The following GRIK4 variants were observed in gnomAD, a reference collection of about 807,000 sequenced individuals.
GRIK4 encodes the protein glutamate receptor ionotropic, kainate 4.
In GRIK4, 40 loss-of-function variants were observed where a neutral mutation model predicts 104.9. The ratio of observed to expected loss-of-function variants is 0.38; its 90% CI spans 0.30 to 0.50. The LOEUF (loss-of-function observed/expected upper bound fraction) is 0.50, where lower values mean the gene tolerates loss of function less well. Among genes scored for constraint, GRIK4 ranks in the 20% least tolerant of loss-of-function variants. GRIK4 has a pLI of 0.93. For missense variants in GRIK4, 1,047 were observed against 1,308.1 expected, an observed-to-expected ratio of 0.80 and a Z score of 3.08; for synonymous variants, 485 against 524.9, an observed-to-expected ratio of 0.92 and a Z score of 1.04.
At chr11:120,936,717 C>T (rs1353649462) in intron 13 of GRIK4, 2 of 153,074 alleles carry the variant, frequency 1.3e-5, no homozygotes, top group African/African-American at 4.8e-5. Context: ...TTCTCACTTG[C>T]CCTGGTGCTG....
At chr11:120,797,149 C>G (rs1952534718) in intron 3 of GRIK4, among the ~76,000 whole-genome samples, 1 of 152,096 alleles carries the variant, frequency 6.6e-6, no homozygotes, top group Admixed American at 6.5e-5. Flanking sequence ...CACTGAGGCC[C>G]CATGGATGGA....
At position 120,591,541 on chromosome 11, in the gene GRIK4, C is replaced by T. The variant is rs577216286; in HGVS notation, c.-158-62144C>T. 9.8e-5 allele frequency among the ~76,000 whole-genome samples: 15 copies of T among 152,300 alleles called. No homozygotes were observed. The East Asian group carries it at 2.9e-3, about 29-fold the overall frequency. ...TGTAAAAGCGTGTTGTAAGGGTTAA[C>T]TGTAGCATACACTCAGTGTGCACCC... On this transcript the variant is annotated intron_variant, in intron 1 of 20. Transcript: ENST00000527524.
intron 2 of GRIK4, among the ~76,000 whole-genome samples, chr11:120,655,633 G>C (rs900975470): frequency 6.6e-6 from 1 of 152,226 alleles, no homozygotes; most frequent in Admixed American, 6.5e-5. Flanking sequence ...CAGAGATCCA[G>C]GTTGTTGCTG....
intron 1 of GRIK4, among the ~76,000 whole-genome samples, chr11:120,512,115 CT>C (rs907597050): frequency 4.6e-4 from 68 of 149,234 alleles, no homozygotes; most frequent in African/African-American, 1.5e-3. Flanking sequence ...GTCCCTGCGT[CT>C]CCAGATTCGC....
intron 18 of GRIK4, among the ~76,000 whole-genome samples, chr11:120,965,120 C>A (rs532068995): frequency 1.3e-5 from 2 of 152,278 alleles, no homozygotes; most frequent in South Asian, 4.1e-4. Flanking sequence ...AAGAGCCTAA[C>A]TATGGAATAA....
At chr11:120,899,598 C>A (rs557037586) in intron 12 of GRIK4, among the ~76,000 whole-genome samples, 1 of 152,244 alleles carries the variant, frequency 6.6e-6, no homozygotes, top group East Asian at 1.9e-4. Context: ...GTTCTCTATC[C>A]TGAGGTTGTA....
At chr11:120,570,448 G>T (rs760229132) in intron 1 of GRIK4, among the ~76,000 whole-genome samples, 1 of 152,026 alleles carries the variant, frequency 6.6e-6, no homozygotes, top group African/African-American at 2.4e-5. Context: ...TACATTATCA[G>T]TTGACTTTCT....
At chr11:120,640,740 G>A (rs1041577542) in intron 1 of GRIK4, among the ~76,000 whole-genome samples, 15 of 149,490 alleles carry the variant, frequency 1.0e-4, no homozygotes, top group Admixed American at 6.0e-4. Context: ...ACACAGTCTC[G>A]CTCTGTCATT....
chr11:120,622,001 A>G (rs936411569), intron 1 of GRIK4, among the ~76,000 whole-genome samples: 1 of 152,056 alleles, frequency 6.6e-6, no homozygotes, highest in East Asian at 1.9e-4. Context: ...CCTGGGTTCA[A>G]GCGATTCTCC....
At chr11:120,537,351 C>T (rs1430585265) in intron 1 of GRIK4, among the ~76,000 whole-genome samples, 7 of 152,126 alleles carry the variant, frequency 4.6e-5, no homozygotes, top group Non-Finnish European at 8.8e-5. Context: ...AACTCAGAGA[C>T]GGAGATATTG....
At chr11:120,813,386 C>T (rs1196718499) in intron 4 of GRIK4, among the ~76,000 whole-genome samples, 1 of 152,104 alleles carries the variant, frequency 6.6e-6, no homozygotes, top group Non-Finnish European at 1.5e-5. Context: ...CTTCAAGCAC[C>T]TAGTGGGCTG....
At chr11:120,912,886 T>C (rs1478392203) in intron 13 of GRIK4, among the ~76,000 whole-genome samples, 2 of 152,170 alleles carry the variant, frequency 1.3e-5, no homozygotes, top group Non-Finnish European at 1.5e-5. Context: ...CTGGAGATGA[T>C]GGAGCATTCA....
At chr11:120,581,423 T>C (rs1048533885) in intron 1 of GRIK4, among the ~76,000 whole-genome samples, 1 of 152,248 alleles carries the variant, frequency 6.6e-6, no homozygotes, top group Non-Finnish European at 1.5e-5. Flanking sequence ...AAAATACACA[T>C]AACATAAAAT....
chr11:120,893,504 G>A (rs777859563), intron 11 of GRIK4, among the ~76,000 whole-genome samples: 12 of 152,194 alleles, frequency 7.9e-5, no homozygotes, highest in Non-Finnish European at 1.2e-4. Flanking sequence ...CCAGCTCTGC[G>A]AGTTAGGTAA....
At position 120,986,849 on chromosome 11, in the gene GRIK4, TTTC is replaced by T. The variant is rs1222112747; in HGVS notation, c.*595_*597del. 3 of 152,218 alleles carry T rather than the reference TTTC, an allele frequency of 2.0e-5. No homozygotes were observed. Among genetic ancestry groups the T allele is most frequent in the African/African-American group, 7.2e-5 (3 of 41,436 alleles). The allele number at this position is 152,218 out of a possible 1,614,324, so 9.4% of individuals were successfully genotyped here. A position where few individuals can be genotyped will look rare whatever the true frequency, so the allele number is the denominator to read the frequency against. On this transcript the variant is annotated 3_prime_UTR_variant, in exon 21 of 21. Transcript: ENST00000527524. ...GGAATGGAAGCCTAAATAATCCCTA[TTTC>T]TTCTTTTTCCTGAATTTTGGAATAT... is the stretch of plus-strand genomic sequence containing the variant.
intron 19 of GRIK4, among the ~76,000 whole-genome samples, chr11:120,977,949 GACCAGGCTGGAGCACTCA>G (rs1410977886): frequency 1.3e-5 from 2 of 152,208 alleles, no homozygotes; most frequent in Admixed American, 1.3e-4. Context: ...CTTCCTCTGT[GACCAGGCTGGAGCACTCA>G]ACCAGGGCGG....
At chr11:120,829,453 G>A (rs1055944815) in intron 6 of GRIK4, among the ~76,000 whole-genome samples, 2 of 152,164 alleles carry the variant, frequency 1.3e-5, no homozygotes, top group African/African-American at 2.4e-5. Context: ...TTAGCTGCGA[G>A]TGCCGGGACC....
At chr11:120,536,555 G>A (rs929668253) in intron 1 of GRIK4, among the ~76,000 whole-genome samples, 1 of 152,122 alleles carries the variant, frequency 6.6e-6, no homozygotes, top group Non-Finnish European at 1.5e-5. Flanking sequence ...ATTTATTCAG[G>A]TACTCGCTTA....
Position 120,513,668 on chromosome 11 carries a change from C to T in GRIK4, c.-159+1781C>T, listed in dbSNP as rs1032055050. Among the ~76,000 whole-genome samples the T allele has an allele frequency of 5.9e-5, 9 of 152,174 alleles. 1 individual carries two copies. The highest frequency in any genetic ancestry group is 2.1e-4 in the South Asian group (1 of 4,828). ...CATATTTTGTTCATTCCTTGTGGCCCGGGCTTGCCCACCAGCCTCCCGCCT... is the reference window on the plus strand; with the variant it reads ...CATATTTTGTTCATTCCTTGTGGCCTGGGCTTGCCCACCAGCCTCCCGCCT... On this transcript the variant is annotated intron_variant, in intron 1 of 20. Coordinates refer to ENST00000527524, the MANE Select transcript of GRIK4 (RefSeq NM_014619.5). This position sits in a 1 kb window ranked among gnomAD's most constrained non-coding sequence, Gnocchi z 4.5.
Sources: gnomAD v4.1 joint callset for allele counts (sites outside exome capture counted in the v4.1 genomes callset) on GRCh38, gnomAD v4.1.1 for gene constraint, Gnocchi (gnomAD v3.1) non-coding constraint, MANE v1.5 for transcripts, NCBI Gene and HGNC (gene_info 2026-07-23, HGNC 2026-07-21) for gene names.